The following ESRRB variants were observed in gnomAD, a reference collection of about 807,000 sequenced individuals.
The protein encoded by ESRRB is estrogen related receptor beta.
A neutral mutation model predicts 46.0 loss-of-function variants in ESRRB; 16 were observed. That is an observed-to-expected ratio of 0.35 (90% CI 0.24 to 0.53). The LOEUF (loss-of-function observed/expected upper bound fraction) is 0.53, where lower values mean the gene tolerates loss of function less well. Among genes scored for constraint, ESRRB ranks in the 20% least tolerant of loss-of-function variants. The pLI, the probability that ESRRB is intolerant of heterozygous loss-of-function variation, is 0.93. For synonymous variants in ESRRB, 246 were observed against 259.6 expected (o/e 0.95, Z 0.50); for missense variants, 488 against 607.4 (o/e 0.80, Z 2.07).
chr14:76,430,721 A>G (rs1376310344), intron 1 of ESRRB, among the ~76,000 whole-genome samples: 15 of 152,218 alleles, frequency 9.9e-5, no homozygotes, highest in Admixed American at 9.8e-4. Flanking sequence ...AGCCAGCAGC[A>G]ATTAGGGATA....
chr14:76,487,133 G>C (rs1890052047), intron 5 of ESRRB, among the ~76,000 whole-genome samples: 1 of 152,104 alleles, frequency 6.6e-6, no homozygotes. Context: ...CCCAGTCCAT[G>C]GGCTTATACC....
At chr14:76,469,973 A>T (rs1889314890) in intron 3 of ESRRB, among the ~76,000 whole-genome samples, 1 of 103,682 alleles carries the variant, frequency 9.6e-6, no homozygotes. Flanking sequence ...TTTGAGACAG[A>T]GTCTTGCTCT....
At chr14:76,416,108 T>G (rs2139875123) in intron 1 of ESRRB, among the ~76,000 whole-genome samples, 1 of 151,626 alleles carries the variant, frequency 6.6e-6, no homozygotes, top group African/African-American at 2.4e-5. Context: ...TTACATTACA[T>G]AATTAGAGTG....
intron 1 of ESRRB, among the ~76,000 whole-genome samples, chr14:76,337,701 C>A (rs536442082): frequency 2.0e-5 from 3 of 152,324 alleles, no homozygotes; most frequent in Non-Finnish European, 2.9e-5. Context: ...AGGAAGGAGG[C>A]TTTGGTCGAT....
intron 2 of ESRRB, among the ~76,000 whole-genome samples, chr14:76,450,626 G>A (rs1888345585): frequency 6.6e-6 from 1 of 152,152 alleles, no homozygotes; most frequent in Non-Finnish European, 1.5e-5. Flanking sequence ...ATGCAGGCTT[G>A]GAAGAAAACT....
chr14:76,405,309 G>C (rs1382309349), intron 1 of ESRRB, among the ~76,000 whole-genome samples: 1 of 151,830 alleles, frequency 6.6e-6, no homozygotes, highest in Non-Finnish European at 1.5e-5. Flanking sequence ...ACAGGTTCTT[G>C]CTGTGTTGGC....
At chr14:76,426,235 G>A (rs1255237535) in intron 1 of ESRRB, among the ~76,000 whole-genome samples, 1 of 152,164 alleles carries the variant, frequency 6.6e-6, no homozygotes, top group African/African-American at 2.4e-5. Flanking sequence ...GGAAGAGAGA[G>A]GAATAGGAGA....
At chr14:76,432,485 G>A (rs1041866478) in intron 1 of ESRRB, among the ~76,000 whole-genome samples, 1 of 152,022 alleles carries the variant, frequency 6.6e-6, no homozygotes, top group African/African-American at 2.4e-5. Flanking sequence ...CCTGCCCTCC[G>A]GCCCTTGCCT....
At chr14:76,358,918 G>A (rs1436023567) in intron 1 of ESRRB, among the ~76,000 whole-genome samples, 1 of 152,208 alleles carries the variant, frequency 6.6e-6, no homozygotes, top group African/African-American at 2.4e-5. Context: ...TGAAAACACA[G>A]ATTGCTGGTC....
chr14:76,354,813 G>T (rs1045647633), intron 1 of ESRRB, among the ~76,000 whole-genome samples: 1 of 150,664 alleles, frequency 6.6e-6, no homozygotes, highest in Non-Finnish European at 1.5e-5. Flanking sequence ...GGGTTCAAGA[G>T]ATTCTCCTGC....
chr14:76,482,064 G>T lies in ESRRB; in HGVS notation c.626G>T (p.Arg209Leu), dbSNP rs201691455. 2 of 1,614,208 alleles carry T rather than the reference G, an allele frequency of 1.2e-6. No individual in the cohort carries two copies. The highest frequency in any genetic ancestry group is 1.7e-6 in the Non-Finnish European group (2 of 1,180,044). ...VRGGRQKYKR[R>L]LDSESSPYLS... The stretch of plus-strand genomic sequence containing the variant: ...GGAGGCCGTCAGAAATACAAGCGAC[G>T]GCTGGACTCAGAGAGCAGCCCATAC... Residue 209 changes from arginine to leucine, a missense_variant, in exon 4 of 7, where the codon CGG (arginine) becomes CTG (leucine). Physicochemically the swap from Arg to Leu is moderately radical, Grantham distance 102 (BLOSUM62 -2). Transcript: ENST00000644823. This position sits in a 1 kb window ranked among gnomAD's most constrained non-coding sequence, Gnocchi z 4.3.
rs1006366202 is a variant in ESRRB at position 76,482,465 on chromosome 14, G to A, written c.689-133G>A. On this transcript the variant is annotated intron_variant, in intron 4 of 6. Transcript: ENST00000644823. The surrounding 1 kb of genome is among the most constrained non-coding windows in gnomAD (Gnocchi z 4.3). ...GCAACTTCATGGAGCCAGAACAGGAGGGGAGATTATAGCCGCTTTGACCTT... is the reference window on the plus strand; with the variant it reads ...GCAACTTCATGGAGCCAGAACAGGAAGGGAGATTATAGCCGCTTTGACCTT... The A allele has an allele frequency of 2.4e-6, 2 of 833,318 alleles. No individual in the cohort carries two copies. The highest frequency in any genetic ancestry group is 1.7e-5 in the African/African-American group (1 of 59,688). The allele number at this position is 833,318 out of a possible 1,614,324, so 51.6% of individuals were successfully genotyped here. A position where few individuals can be genotyped will look rare whatever the true frequency, so the allele number is the denominator to read the frequency against.
At chr14:76,391,970 G>A (rs74069865) in intron 1 of ESRRB, among the ~76,000 whole-genome samples, 8,201 of 152,278 alleles carry the variant, frequency 0.054, 330 homozygotes, top group East Asian at 0.13. Flanking sequence ...GCAACTTCCT[G>A]TCTAACCTGT....
intron 1 of ESRRB, among the ~76,000 whole-genome samples, chr14:76,397,628 G>C (rs901213613): frequency 3.3e-5 from 5 of 152,220 alleles, no homozygotes; most frequent in African/African-American, 9.6e-5. Context: ...GGGCAGGCCA[G>C]GCATGGTGGC....
chr14:76,367,125 G>A (rs1566861461), upstream of ESRRB, among the ~76,000 whole-genome samples: 1 of 152,122 alleles, frequency 6.6e-6, no homozygotes, highest in Non-Finnish European at 1.5e-5. Flanking sequence ...GAATGGAGGT[G>A]GTGGCAAAAG....
chr14:76,473,401 T>A (rs1889448486), intron 3 of ESRRB, among the ~76,000 whole-genome samples: 2 of 152,244 alleles, frequency 1.3e-5, no homozygotes, highest in Non-Finnish European at 2.9e-5. Flanking sequence ...AGTGGGGATC[T>A]TGACCTCAGA....
chr14:76,364,266 G>A (rs1357843835), intron 1 of ESRRB, among the ~76,000 whole-genome samples: 1 of 152,216 alleles, frequency 6.6e-6, no homozygotes, highest in Non-Finnish European at 1.5e-5. Flanking sequence ...TTGATAAAAG[G>A]CAGCATGATT....
At chr14:76,427,335 CTG>C (rs34441473) in intron 1 of ESRRB, among the ~76,000 whole-genome samples, 21,621 of 147,634 alleles carry the variant, frequency 0.15, 1,854 homozygotes, top group African/African-American at 0.25. Flanking sequence ...TCTGCAGGAG[CTG>C]TGTGTGTGTG....
chr14:76,329,841 A>C (rs1450967509), intron 1 of ESRRB, among the ~76,000 whole-genome samples: 2 of 152,172 alleles, frequency 1.3e-5, no homozygotes, highest in Non-Finnish European at 2.9e-5. Flanking sequence ...GCCTGTCTTT[A>C]CGAGGGAGCC....
Sources: allele counts gnomAD v4.1 joint callset (sites outside exome capture counted in the v4.1 genomes callset), GRCh38; gene constraint gnomAD v4.1.1; non-coding constraint Gnocchi (gnomAD v3.1); transcripts MANE v1.5; gene names NCBI Gene and HGNC (gene_info 2026-07-23, HGNC 2026-07-21).